Variants in TMEM163 observed in about 807,000 individuals in gnomAD.
TMEM163 encodes transmembrane protein 163.
TMEM163 carries 17 observed loss-of-function variants against 29.3 expected under a neutral mutation model. That is an observed-to-expected ratio of 0.58 (90% CI 0.40 to 0.87). The LOEUF is 0.87. Among genes scored for constraint, TMEM163 ranks in the 40% least tolerant of loss-of-function variants. The pLI is 0.00. For synonymous variants in TMEM163, 157 were observed against 160.6 expected (o/e 0.98, Z 0.17); for missense variants, 303 against 381.5 (o/e 0.79, Z 1.71).
chr2:134,598,231 A>G (rs1682135638), intron 2 of TMEM163, among the ~76,000 whole-genome samples: 2 of 152,100 alleles, frequency 1.3e-5, no homozygotes, highest in Non-Finnish European at 2.9e-5. Flanking sequence ...GTCTTGGGGT[A>G]CTCACTTGGT....
At chr2:134,663,609 C>G (rs1683804586) in intron 2 of TMEM163, among the ~76,000 whole-genome samples, 1 of 152,184 alleles carries the variant, frequency 6.6e-6, no homozygotes, top group Non-Finnish European at 1.5e-5. Context: ...ATTGTCAGGT[C>G]TGTGTTCATT....
intron 2 of TMEM163, among the ~76,000 whole-genome samples, chr2:134,677,533 C>T (rs1054053303): frequency 6.6e-6 from 1 of 151,968 alleles, no homozygotes; most frequent in Non-Finnish European, 1.5e-5. Flanking sequence ...ATTCCTCTTG[C>T]GGGGAGCAGG....
At chr2:134,556,499 G>C (rs1681052511) in intron 2 of TMEM163, among the ~76,000 whole-genome samples, 1 of 152,204 alleles carries the variant, frequency 6.6e-6, no homozygotes, top group East Asian at 1.9e-4. Context: ...ATAGGCTATA[G>C]GTAGATATTT....
intron 2 of TMEM163, among the ~76,000 whole-genome samples, chr2:134,552,361 T>C (rs557168403): frequency 1.3e-5 from 2 of 152,318 alleles, no homozygotes; most frequent in East Asian, 3.9e-4. Context: ...CAGCTGTCAA[T>C]CAAATGACTT....
At chr2:134,713,633 T>A (rs532554905) in intron 1 of TMEM163, 2 of 506,546 alleles carry the variant, frequency 3.9e-6, no homozygotes, top group Non-Finnish European at 7.7e-6. Flanking sequence ...TTTGCCCCTG[T>A]GTTATGTTGC....
chr2:134,713,419 C>T (rs958838267), intron 1 of TMEM163, 100 bp from the exon 2 acceptor site: 19 of 1,541,894 alleles, frequency 1.2e-5, no homozygotes, highest in Middle Eastern at 1.7e-4. Context: ...ACTAACAGCC[C>T]GTGGGCCAAG....
chr2:134,652,086 T>A (rs1374432084), intron 2 of TMEM163, among the ~76,000 whole-genome samples: 1 of 141,102 alleles, frequency 7.1e-6, no homozygotes, highest in African/African-American at 3.0e-5. Context: ...GTGAGGAAAG[T>A]CATTGGTAGC....
At chr2:134,670,615 G>C (rs1683974258) in intron 2 of TMEM163, among the ~76,000 whole-genome samples, 1 of 152,206 alleles carries the variant, frequency 6.6e-6, no homozygotes, top group South Asian at 2.1e-4. Flanking sequence ...GAGAGCTGCT[G>C]GAATACCATG....
rs752979552 is a variant in TMEM163, at chr2:134,674,486, GGCGCGC to G, written c.322+38708_322+38713del. 2.4e-3 allele frequency among the ~76,000 whole-genome samples: 220 copies of G among 91,606 alleles called. 1 individual carries two copies. The highest frequency in any genetic ancestry group is 3.8e-3 in the Middle Eastern group (1 of 260). The allele number at this position is 91,606 out of a possible 152,430, so 60.1% of individuals were successfully genotyped here. A position where few individuals can be genotyped will look rare whatever the true frequency, so the allele number is the denominator to read the frequency against. On this transcript the variant is annotated intron_variant, in intron 2 of 7. Coordinates refer to ENST00000281924, the MANE Select transcript of TMEM163 (RefSeq NM_030923.5). ...AGCCTCCCAAGTAGCTGGGACTACA[GGCGCGC>G]GCGCGCGCGCGCGCGCGCTACCATA...
intron 4 of TMEM163, among the ~76,000 whole-genome samples, chr2:134,545,017 C>A (rs187715175): frequency 4.0e-4 from 61 of 152,200 alleles, no homozygotes; most frequent in African/African-American, 1.4e-3. Context: ...TGCTGCCAGT[C>A]TCCTTTGTAT....
At chr2:134,549,887 G>A (rs1680874221) in intron 4 of TMEM163, among the ~76,000 whole-genome samples, 2 of 151,944 alleles carry the variant, frequency 1.3e-5, no homozygotes, top group Admixed American at 1.3e-4. Flanking sequence ...TGTACTCATT[G>A]CAATCATCCT....
intron 2 of TMEM163, among the ~76,000 whole-genome samples, chr2:134,582,509 C>A (rs183314388): frequency 6.6e-6 from 1 of 152,310 alleles, no homozygotes; most frequent in East Asian, 1.9e-4. Flanking sequence ...CTCTGGGTCT[C>A]TTCTCTGGAC....
chr2:134,697,476 T>C (rs1417368662), intron 2 of TMEM163, among the ~76,000 whole-genome samples: 1 of 151,356 alleles, frequency 6.6e-6, no homozygotes, highest in Non-Finnish European at 1.5e-5. Context: ...TTTTTTTTTT[T>C]TTTTTGAGAT....
At chr2:134,576,222 G>C (rs1012651254) in intron 2 of TMEM163, among the ~76,000 whole-genome samples, 4 of 152,152 alleles carry the variant, frequency 2.6e-5, no homozygotes, top group Non-Finnish European at 4.4e-5. Context: ...GGAGATCTTA[G>C]GAGGAAAGAT....
At chr2:134,635,166 A>C (rs1300778690) in intron 2 of TMEM163, among the ~76,000 whole-genome samples, 1 of 152,248 alleles carries the variant, frequency 6.6e-6, no homozygotes, top group Admixed American at 6.5e-5. Context: ...ATGAAAATCC[A>C]TCTACATCGA....
chr2:134,523,249 G>A (rs1426337915), intron 4 of TMEM163, among the ~76,000 whole-genome samples: 2 of 152,130 alleles, frequency 1.3e-5, no homozygotes, highest in East Asian at 1.9e-4. Context: ...TGCAGGTGGG[G>A]GTCGGAGCGT....
chr2:134,663,196 C>T (rs777546387), intron 2 of TMEM163, among the ~76,000 whole-genome samples: 1 of 152,236 alleles, frequency 6.6e-6, no homozygotes, highest in Non-Finnish European at 1.5e-5. Context: ...CCAGAGTTCC[C>T]TTCCTATAGG....
chr2:134,649,118 A>G (rs1683407351), intron 2 of TMEM163, among the ~76,000 whole-genome samples: 1 of 152,234 alleles, frequency 6.6e-6, no homozygotes, highest in African/African-American at 2.4e-5. Context: ...GTGCGACAAA[A>G]TAATAGGCAA....
At chr2:134,702,903 G>A (rs1228111963) in intron 2 of TMEM163, among the ~76,000 whole-genome samples, 1 of 152,158 alleles carries the variant, frequency 6.6e-6, no homozygotes, top group Non-Finnish European at 1.5e-5. Context: ...CCATGCAAAG[G>A]TGTAAGTTTC....
Sources: allele counts gnomAD v4.1 joint callset (sites outside exome capture counted in the v4.1 genomes callset), GRCh38; gene constraint gnomAD v4.1.1; transcripts MANE v1.5; gene names NCBI Gene and HGNC (gene_info 2026-07-23, HGNC 2026-07-21).